The following ABCC4 variants were observed in gnomAD, a reference collection of about 807,000 sequenced individuals.
ABCC4 encodes the protein ATP-binding cassette sub-family C member 4.
A neutral mutation model predicts 168.5 loss-of-function variants in ABCC4; 102 were observed. The ratio of observed to expected loss-of-function variants is 0.61; its 90% CI spans 0.52 to 0.71. The LOEUF (loss-of-function observed/expected upper bound fraction) is 0.71. Ranked by LOEUF, ABCC4 falls within the 30% of genes least tolerant of loss-of-function variation. The pLI, the probability that ABCC4 is intolerant of heterozygous loss-of-function variation, is 0.00. For synonymous variants in ABCC4, 617 were observed against 590.7 expected (o/e 1.04, Z -0.65); for missense variants, 1,402 against 1,605.8 (o/e 0.87, Z 2.17).
intron 22 of ABCC4, 84 bp from the exon 23 acceptor site, chr13:95,074,408 T>C: frequency 1.8e-6 from 2 of 1,126,916 alleles, no homozygotes. Context: ...ACAGAAGATT[T>C]TTACGTGGAG....
Position 95,164,492 on chromosome 13 carries a change from T to C in ABCC4, c.2061A>G (p.Ser687=). The change falls in exon 16 of 31, where the codon TCA becomes TCG. Residue 687 remains serine (S), a synonymous_variant. Transcript: ENST00000645237. ...CTTTTCCTTCAGAACGGTTCTCCTCTGATAGTGTAACTGGGACATTCTCTG... is the reference window on the plus strand; with the variant it reads ...CTTTTCCTTCAGAACGGTTCTCCTCCGATAGTGTAACTGGGACATTCTCTG... ...QDTENVPVTL[S]EENRSEGKVG... 6.2e-7 allele frequency: 1 copy of C among 1,614,148 alleles called. No homozygotes were observed. Among genetic ancestry groups the C allele is most frequent in the East Asian group, 2.2e-5 (1 of 44,876 alleles).
At chr13:95,275,822 C>A (rs1392976707) in intron 1 of ABCC4, among the ~76,000 whole-genome samples, 1 of 151,566 alleles carries the variant, frequency 6.6e-6, no homozygotes, top group Non-Finnish European at 1.5e-5. Flanking sequence ...ATATAATAAC[C>A]TTTATGCCTG....
intron 13 of ABCC4, among the ~76,000 whole-genome samples, chr13:95,173,289 C>T (rs760812967): frequency 1.3e-5 from 2 of 152,200 alleles, no homozygotes; most frequent in Non-Finnish European, 2.9e-5. Context: ...GGCACAAATG[C>T]GCTGTGCAAA....
intron 8 of ABCC4, among the ~76,000 whole-genome samples, chr13:95,199,689 T>C (rs1307442586): frequency 6.6e-6 from 1 of 152,150 alleles, no homozygotes; most frequent in Non-Finnish European, 1.5e-5. Context: ...ATCATCATCT[T>C]CCGGGACTGC....
At position 95,126,720 on chromosome 13, in the gene ABCC4, A is replaced by AATATATATATATATATAT. The variant is rs71111594; in HGVS notation, c.2456-10737_2456-10720dup. On this transcript the variant is annotated intron_variant, in intron 19 of 30. Coordinates refer to ENST00000645237, the MANE Select transcript of ABCC4 (RefSeq NM_005845.5). Reference sequence around the variant, plus strand: ...ATAAAAATGCATGAACTTTTTTTGGAATATATATATATATATATATATATA... The same window carrying AATATATATATATATATAT: ...ATAAAAATGCATGAACTTTTTTTGGAATATATATATATATATATATATATATATATATATATATATATA... Among the ~76,000 whole-genome samples the AATATATATATATATATAT allele has an allele frequency of 4.5e-4, 37 of 81,662 alleles. 6 individuals carry two copies. The highest frequency in any genetic ancestry group is 2.5e-3 in the Admixed American group (14 of 5,534). 53.6% of individuals were successfully genotyped at this position (81,662 alleles called of 152,430 possible).
At chr13:95,118,580 A>C (rs760935467) in intron 19 of ABCC4, among the ~76,000 whole-genome samples, 1 of 152,188 alleles carries the variant, frequency 6.6e-6, no homozygotes. Flanking sequence ...AAACTGTCAT[A>C]ATCAGAGCTG....
At chr13:95,085,586 G>T (rs759073410) in intron 20 of ABCC4, among the ~76,000 whole-genome samples, 1 of 152,180 alleles carries the variant, frequency 6.6e-6, no homozygotes, top group Non-Finnish European at 1.5e-5. Context: ...AATCACTTGC[G>T]GGTCGCAATC....
chr13:95,208,066 T>TA (rs1367817087), intron 6 of ABCC4, 141 bp from the exon 7 acceptor site: 2 of 855,014 alleles, frequency 2.3e-6, no homozygotes, highest in Admixed American at 5.6e-5. Context: ...CTACTCAAAA[T>TA]ACAAATAGAA....
intron 9 of ABCC4, among the ~76,000 whole-genome samples, chr13:95,193,802 C>G (rs955416122): frequency 5.9e-5 from 9 of 152,214 alleles, no homozygotes; most frequent in Non-Finnish European, 1.3e-4. Flanking sequence ...GTGCTAGGAC[C>G]AAGGAAGGAG....
intron 3 of ABCC4, among the ~76,000 whole-genome samples, chr13:95,241,455 G>C (rs950622814): frequency 6.6e-6 from 1 of 151,832 alleles, no homozygotes; most frequent in Non-Finnish European, 1.5e-5. Flanking sequence ...AAGCAGCATA[G>C]ATACAAATGG....
chr13:95,288,986 C>T (rs2041328042), intron 1 of ABCC4, among the ~76,000 whole-genome samples: 1 of 152,156 alleles, frequency 6.6e-6, no homozygotes, highest in African/African-American at 2.4e-5. Context: ...CCAGGCCCAG[C>T]CTACCATGTT....
intron 13 of ABCC4, among the ~76,000 whole-genome samples, chr13:95,170,964 G>A (rs1307353816): frequency 2.6e-5 from 4 of 151,788 alleles, no homozygotes; most frequent in Non-Finnish European, 4.4e-5. Flanking sequence ...GATTGCAGGG[G>A]AGAAAGAAAG....
intron 20 of ABCC4, among the ~76,000 whole-genome samples, chr13:95,101,126 C>T (rs2034792366): frequency 6.6e-6 from 1 of 152,132 alleles, no homozygotes; most frequent in African/African-American, 2.4e-5. Flanking sequence ...TCCCACCCCC[C>T]TAGGGAAGAA....
chr13:95,115,718 C>T (rs1009353890), intron 20 of ABCC4, among the ~76,000 whole-genome samples: 8 of 152,288 alleles, frequency 5.3e-5, no homozygotes, highest in Admixed American at 3.3e-4. Context: ...GACTGTATAG[C>T]CACTCCCACA....
intron 20 of ABCC4, among the ~76,000 whole-genome samples, chr13:95,098,467 C>CA (rs1415703223): frequency 1.3e-5 from 2 of 151,820 alleles, no homozygotes; most frequent in Non-Finnish European, 2.9e-5. Context: ...TTGACAGAAA[C>CA]AAATTATCAG....
chr13:95,236,006 T>A (rs1353012522), intron 3 of ABCC4, among the ~76,000 whole-genome samples: 2 of 152,140 alleles, frequency 1.3e-5, no homozygotes, highest in African/African-American at 2.4e-5. Context: ...GCATGCGGGC[T>A]TACCTTCTGA....
chr13:95,223,032 A>C (rs1318132668), intron 4 of ABCC4, among the ~76,000 whole-genome samples: 1 of 152,216 alleles, frequency 6.6e-6, no homozygotes, highest in Non-Finnish European at 1.5e-5. Flanking sequence ...AGAAAAAACA[A>C]GCACTACCTA....
At chr13:95,063,127 C>A (rs148283202) in intron 25 of ABCC4, among the ~76,000 whole-genome samples, 432 of 152,242 alleles carry the variant, frequency 2.8e-3, no homozygotes, top group Admixed American at 5.8e-3. Context: ...CAAAATGATA[C>A]CACCAAAAAT....
chr13:95,271,764 A>C (rs2040853783), intron 1 of ABCC4, among the ~76,000 whole-genome samples: 1 of 152,196 alleles, frequency 6.6e-6, no homozygotes, highest in African/African-American at 2.4e-5. Context: ...ACGCAGCGTG[A>C]CATAGCTCTG....
Sources: allele counts gnomAD v4.1 joint callset (sites outside exome capture counted in the v4.1 genomes callset), GRCh38; gene constraint gnomAD v4.1.1; transcripts MANE v1.5; gene names NCBI Gene and HGNC (gene_info 2026-07-23, HGNC 2026-07-21).